SPSB4: variants seen among roughly 807,000 people sequenced by gnomAD.
The protein encoded by SPSB4 is splA/ryanodine receptor domain and SOCS box containing 4, also known as SPRY domain-containing SOCS box protein 4.
A neutral mutation model predicts 20.9 loss-of-function variants in SPSB4; 21 were observed. The ratio of observed to expected loss-of-function variants is 1.01; its 90% CI spans 0.71 to 1.45. SPSB4 has a LOEUF of 1.45. Ranked by LOEUF, SPSB4 falls within the 40% of genes most tolerant of loss-of-function variation. The probability of loss-of-function intolerance (pLI) is 0.00; values close to 1 mark genes in which losing one functional copy is unlikely to be tolerated. For synonymous variants in SPSB4, 207 were observed against 183.8 expected (o/e 1.13, Z -1.02); for missense variants, 399 against 399.2 (o/e 1.00, Z 0.00).
intron 2 of SPSB4, among the ~76,000 whole-genome samples, chr3:141,086,050 A>G (rs1364942133): frequency 1.3e-5 from 2 of 152,214 alleles, no homozygotes; most frequent in African/African-American, 2.4e-5. Flanking sequence ...AGGAAATACA[A>G]TGTCACTAAT....
At chr3:141,116,880 T>A (rs1938887770) in intron 2 of SPSB4, among the ~76,000 whole-genome samples, 1 of 152,192 alleles carries the variant, frequency 6.6e-6, no homozygotes, top group Non-Finnish European at 1.5e-5. Context: ...CTGCTTCTGA[T>A]GAGAAGATTG....
intron 2 of SPSB4, among the ~76,000 whole-genome samples, chr3:141,118,902 A>G (rs1052447920): frequency 6.6e-6 from 1 of 152,182 alleles, no homozygotes; most frequent in African/African-American, 2.4e-5. Flanking sequence ...GCCTTGTAGT[A>G]TAGTTTGAAG....
intron 2 of SPSB4, among the ~76,000 whole-genome samples, chr3:141,092,420 T>C (rs1402248417): frequency 6.6e-6 from 1 of 152,244 alleles, no homozygotes; most frequent in African/African-American, 2.4e-5. Context: ...CATTCTCGAC[T>C]ATCAACAAAT....
At chr3:141,098,257 C>T (rs1012467032) in intron 2 of SPSB4, among the ~76,000 whole-genome samples, 3 of 152,052 alleles carry the variant, frequency 2.0e-5, no homozygotes, top group Non-Finnish European at 4.4e-5. Context: ...GTTTCTGTTT[C>T]GTCTTTTGTG....
intron 2 of SPSB4, among the ~76,000 whole-genome samples, chr3:141,140,631 G>A (rs561241240): frequency 7.2e-5 from 11 of 152,332 alleles, no homozygotes; most frequent in African/African-American, 2.6e-4. Context: ...CAGCAGCGGT[G>A]GCTGCAGAAC....
intron 2 of SPSB4, among the ~76,000 whole-genome samples, chr3:141,111,405 A>G (rs369590139): frequency 1.8e-5 from 2 of 108,818 alleles, no homozygotes; most frequent in Non-Finnish European, 3.3e-5. Context: ...GTCCTGTAGT[A>G]CTTCCCTCAT....
At chr3:141,100,395 C>T (rs890244442) in intron 2 of SPSB4, among the ~76,000 whole-genome samples, 40 of 152,166 alleles carry the variant, frequency 2.6e-4, no homozygotes, top group Admixed American at 5.9e-4. Flanking sequence ...ACAAGAAGAA[C>T]GCCCTGTGAG....
chr3:141,093,913 T>G (rs533331282), intron 2 of SPSB4, among the ~76,000 whole-genome samples: 1 of 152,304 alleles, frequency 6.6e-6, no homozygotes, highest in East Asian at 1.9e-4. Flanking sequence ...TGTGACCTTG[T>G]TCTGGTCACT....
At chr3:141,060,192 TC>T (rs1358085043) in intron 1 of SPSB4, among the ~76,000 whole-genome samples, 1 of 152,180 alleles carries the variant, frequency 6.6e-6, no homozygotes, top group African/African-American at 2.4e-5. Flanking sequence ...CACTGGGCCC[TC>T]AATGACCCAG....
chr3:141,110,453 A>G lies in SPSB4; in HGVS notation c.695-36689A>G, dbSNP rs116433148. Among the ~76,000 whole-genome samples, 153 of 152,308 alleles carry G rather than the reference A, an allele frequency of 1.0e-3. 3 individuals are homozygous for G. Among genetic ancestry groups the G allele is most frequent in the African/African-American group, 3.5e-3 (145 of 41,570 alleles). ...AGCTTTATATGTACCATCTCATTCA[A>G]TCTTCACACAACTTGTTTTATAGAG... On this transcript the variant is annotated intron_variant, in intron 2 of 2. Coordinates refer to ENST00000310546, the MANE Select transcript of SPSB4 (RefSeq NM_080862.3).
At chr3:141,097,938 T>C (rs1280377864) in intron 2 of SPSB4, among the ~76,000 whole-genome samples, 1 of 152,226 alleles carries the variant, frequency 6.6e-6, no homozygotes. Flanking sequence ...ATTACCTTAC[T>C]TAATTCCCGC....
chr3:141,129,475 G>A (rs1168111983), intron 2 of SPSB4, among the ~76,000 whole-genome samples: 1 of 152,208 alleles, frequency 6.6e-6, no homozygotes, highest in Non-Finnish European at 1.5e-5. Context: ...CTCGTTGCTT[G>A]ATTTCTCCAC....
At chr3:141,091,390 T>C (rs1302432274) in intron 2 of SPSB4, among the ~76,000 whole-genome samples, 3 of 152,078 alleles carry the variant, frequency 2.0e-5, no homozygotes, top group Non-Finnish European at 4.4e-5. Context: ...ACAGTAAGAG[T>C]ACCAAAAACA....
At chr3:141,054,456 A>G (rs1936147696) in intron 1 of SPSB4, among the ~76,000 whole-genome samples, 1 of 152,274 alleles carries the variant, frequency 6.6e-6, no homozygotes. Flanking sequence ...TGGTTCCTAC[A>G]TAAGCCAACT....
chr3:141,084,906 G>A (rs149818487), intron 2 of SPSB4, among the ~76,000 whole-genome samples: 1 of 152,356 alleles, frequency 6.6e-6, no homozygotes, highest in Non-Finnish European at 1.5e-5. Context: ...CCTTGTGCCA[G>A]TAAGTCCGAA....
intron 1 of SPSB4, among the ~76,000 whole-genome samples, chr3:141,063,901 C>CT (rs772899659): frequency 5.3e-5 from 8 of 152,258 alleles, no homozygotes; most frequent in Admixed American, 4.6e-4. Flanking sequence ...TGCTTCTACT[C>CT]TGTCAGCAGA....
chr3:141,086,380 G>T (rs540338691), intron 2 of SPSB4, among the ~76,000 whole-genome samples: 115 of 152,332 alleles, frequency 7.5e-4, no homozygotes, highest in African/African-American at 2.7e-3. Context: ...CTGCTTGCTT[G>T]CTGTGTGATC....
Position 141,147,345 on chromosome 3 carries a change from C to A in SPSB4, c.*76C>A. ...CCTCCTGTCATTCACAGTCCCATGG[C>A]ACATAGGGGAAAGGATCTACCCTTC... On this transcript the variant is annotated 3_prime_UTR_variant, in exon 3 of 3. Coordinates refer to ENST00000310546, the MANE Select transcript of SPSB4 (RefSeq NM_080862.3). 1.3e-6 allele frequency: 2 copies of A among 1,590,812 alleles called. No homozygotes were observed. Among genetic ancestry groups the A allele is most frequent in the Non-Finnish European group, 1.7e-6 (2 of 1,165,288 alleles).
intron 2 of SPSB4, among the ~76,000 whole-genome samples, chr3:141,111,311 C>T (rs538342355): frequency 6.9e-6 from 1 of 144,292 alleles, no homozygotes; most frequent in African/African-American, 2.6e-5. Context: ...GATGTTATAC[C>T]ATACATAGCA....
Sources: allele counts gnomAD v4.1 joint callset (sites outside exome capture counted in the v4.1 genomes callset), GRCh38; gene constraint gnomAD v4.1.1; transcripts MANE v1.5; gene names NCBI Gene and HGNC (gene_info 2026-07-23, HGNC 2026-07-21).